Variants in GTF2H3 observed in about 807,000 individuals in gnomAD.
GTF2H3 encodes the protein general transcription factor IIH subunit 3.
In GTF2H3, 42 loss-of-function variants were observed where a neutral mutation model predicts 51.1. The ratio of observed to expected loss-of-function variants is 0.82; its 90% CI spans 0.64 to 1.06. The LOEUF is 1.06. GTF2H3 is among the 50% of genes least tolerant of loss of function. The pLI, the probability that GTF2H3 is intolerant of heterozygous loss-of-function variation, is 0.00. For synonymous variants in GTF2H3, 123 were observed against 123.8 expected (o/e 0.99, Z 0.04); for missense variants, 326 against 366.1 (o/e 0.89, Z 0.89).
chr12:123,642,377 G>A (rs1955389218), intron 2 of GTF2H3, among the ~76,000 whole-genome samples: 2 of 151,342 alleles, frequency 1.3e-5, no homozygotes, highest in Admixed American at 6.6e-5. Flanking sequence ...CGCCGTGTTG[G>A]CCAGGCTGGT....
chr12:123,652,786 C>T (rs1955535113), intron 7 of GTF2H3, 51 bp downstream of exon 7: 1 of 1,420,666 alleles, frequency 7.0e-7, no homozygotes, highest in African/African-American at 1.5e-5. Context: ...AATTAGAAAA[C>T]ATAACGGGAG....
chr12:123,650,571 G>A (rs1260850098), intron 4 of GTF2H3: 1 of 155,502 alleles, frequency 6.4e-6, no homozygotes, highest in East Asian at 1.9e-4. Flanking sequence ...AATTTTTAAT[G>A]TAAAATTTAC....
rs1196136305 is a variant in GTF2H3 at position 123,655,779 on chromosome 12, G to A, written c.570G>A (p.Leu190=). The A allele has an allele frequency of 6.3e-7, 1 of 1,580,160 alleles. No individual in the cohort carries two copies. Among genetic ancestry groups the A allele is most frequent in the Non-Finnish European group, 8.7e-7 (1 of 1,150,334 alleles). ...CAAAATGTTTCTTTTAGAATATTTT[G>A]ATTGATGCCTGTGTTTTAGACTCCG... ...VIFAAQKQNI[L]IDACVLDSDS... The change falls in exon 9 of 13, where the codon TTG becomes TTA. Residue 190 remains leucine (L), a synonymous_variant. Coordinates refer to ENST00000543341, the MANE Select transcript of GTF2H3 (RefSeq NM_001516.5).
chr12:123,655,674 C>G (rs1256210666), intron 8 of GTF2H3, 97 bp from the exon 9 acceptor site: 2 of 729,500 alleles, frequency 2.7e-6, no homozygotes, highest in African/African-American at 1.8e-5. Flanking sequence ...ATTGAGTGAG[C>G]TATTTTAAGC....
chr12:123,653,230 G>A lies in GTF2H3; in HGVS notation c.486+495G>A, dbSNP rs11572975. ...TAAGGAAAACTAAAATTCTGAGAGCGATAGAAGAATAAGTGGAGAGCCATA... is the reference window on the plus strand; with the variant it reads ...TAAGGAAAACTAAAATTCTGAGAGCAATAGAAGAATAAGTGGAGAGCCATA... On this transcript the variant is annotated intron_variant, in intron 7 of 12. Transcript: ENST00000543341. Among the ~76,000 whole-genome samples the A allele has an allele frequency of 6.3e-3, 962 of 152,206 alleles. 12 individuals are homozygous for A. The highest frequency in any genetic ancestry group is 0.022 in the African/African-American group (909 of 41,556).
At chr12:123,643,219 C>T (rs1337954938) in intron 2 of GTF2H3, among the ~76,000 whole-genome samples, 1 of 152,218 alleles carries the variant, frequency 6.6e-6, no homozygotes, top group East Asian at 1.9e-4. Flanking sequence ...TACAAGAATT[C>T]AGCAAAAATC....
chr12:123,650,568 A>G (rs1325147846), intron 4 of GTF2H3: 3 of 156,122 alleles, frequency 1.9e-5, no homozygotes, highest in African/African-American at 7.2e-5. Flanking sequence ...TAGAATTTTT[A>G]ATGTAAAATT....
rs7962313 is a variant in GTF2H3 at position 123,655,388 on chromosome 12, C to T, written c.562-383C>T. 2.7e-3 allele frequency: 843 copies of T among 314,760 alleles called. 8 individuals are homozygous for T. The highest frequency in any genetic ancestry group is 0.015 in the African/African-American group (678 of 46,584). 19.5% of individuals were successfully genotyped at this position (314,760 alleles called of 1,614,324 possible). ...TTACTTTGCAAAGAGCTGAAATGTT[C>T]AGATGAAGTATAATACATTTTCTTC... On this transcript the variant is annotated intron_variant, in intron 8 of 12. Coordinates refer to ENST00000543341, the MANE Select transcript of GTF2H3 (RefSeq NM_001516.5).
At chr12:123,637,114 C>G (rs927910176) in intron 1 of GTF2H3, among the ~76,000 whole-genome samples, 11 of 152,142 alleles carry the variant, frequency 7.2e-5, no homozygotes, top group African/African-American at 2.7e-4. Context: ...AAATGAGCAT[C>G]CTGGGCCTTT....
At chr12:123,646,450 T>TG (rs1392583567) in intron 3 of GTF2H3, among the ~76,000 whole-genome samples, 2 of 152,034 alleles carry the variant, frequency 1.3e-5, no homozygotes, top group Non-Finnish European at 2.9e-5. Context: ...TTTGTAGAGA[T>TG]GGGGTCTCAC....
chr12:123,635,676 G>C (rs1008047658), intron 1 of GTF2H3, among the ~76,000 whole-genome samples: 1 of 151,580 alleles, frequency 6.6e-6, no homozygotes, highest in East Asian at 2.0e-4. Context: ...ACCTCCCAAA[G>C]TGTTGGGATT....
intron 3 of GTF2H3, among the ~76,000 whole-genome samples, chr12:123,646,150 G>A (rs766042500): frequency 6.6e-6 from 1 of 152,092 alleles, no homozygotes; most frequent in Non-Finnish European, 1.5e-5. Flanking sequence ...AAATGTGACC[G>A]CAGATACAGC....
At chr12:123,646,120 A>G (rs1238132635) in intron 3 of GTF2H3, among the ~76,000 whole-genome samples, 1 of 152,254 alleles carries the variant, frequency 6.6e-6, no homozygotes, top group Admixed American at 6.5e-5. Context: ...AAGATGGTGC[A>G]TAGCCTGCAG....
intron 1 of GTF2H3, among the ~76,000 whole-genome samples, chr12:123,634,450 A>T (rs1038894068): frequency 6.6e-6 from 1 of 152,248 alleles, no homozygotes. Context: ...ATAAAAAATT[A>T]AAAAATAAAT....
At chr12:123,637,846 A>G (rs1339496924) in intron 1 of GTF2H3, among the ~76,000 whole-genome samples, 1 of 152,042 alleles carries the variant, frequency 6.6e-6, no homozygotes, top group Non-Finnish European at 1.5e-5. Context: ...CTGCTACATG[A>G]TTTGATGAGT....
At chr12:123,655,092 G>A (rs539649075) in intron 8 of GTF2H3, 94 bp downstream of exon 8, 11 of 930,788 alleles carry the variant, frequency 1.2e-5, no homozygotes, top group Middle Eastern at 2.1e-4. Context: ...TTCTGACTAC[G>A]TAGGCTTATG....
chr12:123,653,381 G>T (rs112237685), intron 7 of GTF2H3, among the ~76,000 whole-genome samples: 1,674 of 151,810 alleles, frequency 0.011, 14 homozygotes, highest in South Asian at 0.03. Context: ...GAAATTCAAG[G>T]CTGAGCACGG....
At chr12:123,657,420 C>G (rs1215183412) in intron 9 of GTF2H3, among the ~76,000 whole-genome samples, 2 of 152,222 alleles carry the variant, frequency 1.3e-5, no homozygotes, top group Non-Finnish European at 2.9e-5. Flanking sequence ...TTGCCTGAAA[C>G]AGGCCTGCTT....
intron 1 of GTF2H3, among the ~76,000 whole-genome samples, chr12:123,634,093 G>A (rs1402088004): frequency 3.3e-5 from 5 of 152,224 alleles, no homozygotes; most frequent in Non-Finnish European, 7.3e-5. Flanking sequence ...ACAGACAGGG[G>A]CCTTAGTGGA....
Sources: allele counts gnomAD v4.1 joint callset (sites outside exome capture counted in the v4.1 genomes callset), GRCh38; gene constraint gnomAD v4.1.1; transcripts MANE v1.5; gene names NCBI Gene and HGNC (gene_info 2026-07-23, HGNC 2026-07-21).